CES5A: variants seen among roughly 807,000 people sequenced by gnomAD.
The protein encoded by CES5A is carboxylesterase 5A, also known as carboxylesterase 5.
CES5A carries 67 observed loss-of-function variants against 62.9 expected under a neutral mutation model. The observed-to-expected ratio is 1.07, with a 90% confidence interval of 0.88 to 1.31. The LOEUF (loss-of-function observed/expected upper bound fraction) is 1.31, where lower values mean the gene tolerates loss of function less well. CES5A is among the 50% of genes most tolerant of loss of function. CES5A has a pLI of 0.00. For synonymous variants in CES5A, 296 were observed against 280.8 expected, an observed-to-expected ratio of 1.05 and a Z score of -0.54; for missense variants, 748 against 708.5, an observed-to-expected ratio of 1.06 and a Z score of -0.63.
At chr16:55,924,421 G>GAC (rs200942735) in intron 1 of CES5A, among the ~76,000 whole-genome samples, 13 of 151,496 alleles carry the variant, frequency 8.6e-5, no homozygotes, top group Non-Finnish European at 1.8e-4. Context: ...AATTGAAGCT[G>GAC]ACACACACAC....
intron 1 of CES5A, among the ~76,000 whole-genome samples, chr16:55,914,729 G>A (rs1447370632): frequency 6.6e-6 from 1 of 152,202 alleles, no homozygotes; most frequent in African/African-American, 2.4e-5. Flanking sequence ...TGTCCCTGGA[G>A]AGGCACGATC....
chr16:55,861,412 C>G lies in CES5A; in HGVS notation c.915G>C (p.Gln305His), dbSNP rs138050009. 1,059 of 1,606,638 alleles carry G rather than the reference C, an allele frequency of 6.6e-4. 10 individuals are homozygous for G. The highest frequency in any genetic ancestry group is 2.6e-3 in the African/African-American group (192 of 74,906). ...KPSKELLTLS[Q>H]KTKSFTRVVD... is the part of the protein sequence containing the mutation. ...CCAAAACTGCCCCCTCTGTCCTCAC[C>G]TGGCTGAGGGTCAGCAGCTCCTTGG... The change falls in exon 7 of 13, where the codon CAG becomes CAC. Residue 305 changes from glutamine to histidine, a missense_variant and splice_region_variant. By Grantham distance (24) the Gln-to-His change is conservative. Coordinates refer to ENST00000290567, the MANE Select transcript of CES5A (RefSeq NM_001143685.2).
chr16:55,880,262 G>A (rs1463748661), upstream of CES5A, among the ~76,000 whole-genome samples: 1 of 152,178 alleles, frequency 6.6e-6, no homozygotes, highest in Admixed American at 6.5e-5. Flanking sequence ...CTGCCCCAGG[G>A]CAGAAATGTC....
chr16:55,895,111 A>G (rs1186164429), intron 1 of CES5A, among the ~76,000 whole-genome samples: 13 of 152,218 alleles, frequency 8.5e-5, no homozygotes, highest in African/African-American at 3.1e-4. Context: ...AGTTAAGGCT[A>G]AGGCAGAGAT....
intron 1 of CES5A, among the ~76,000 whole-genome samples, chr16:55,909,424 G>C (rs1251755436): frequency 6.6e-6 from 1 of 152,186 alleles, no homozygotes; most frequent in Middle Eastern, 3.2e-3. Context: ...AAGCAAAGCA[G>C]GAATGACTGC....
chr16:55,907,069 G>A (rs1187799395), intron 1 of CES5A, among the ~76,000 whole-genome samples: 2 of 152,208 alleles, frequency 1.3e-5, no homozygotes, highest in African/African-American at 2.4e-5. Flanking sequence ...AATTAAGCTA[G>A]TTAATTTTAT....
At chr16:55,907,636 C>T (rs1468260533) in intron 1 of CES5A, among the ~76,000 whole-genome samples, 1 of 152,192 alleles carries the variant, frequency 6.6e-6, no homozygotes, top group African/African-American at 2.4e-5. Flanking sequence ...CATAGGCCCT[C>T]AGGGAAGGGG....
At chr16:55,850,375 T>C (rs2033106361) in intron 10 of CES5A, among the ~76,000 whole-genome samples, 1 of 152,190 alleles carries the variant, frequency 6.6e-6, no homozygotes, top group Non-Finnish European at 1.5e-5. Context: ...TAGCAGACAC[T>C]CCCCATTGGC....
chr16:55,890,561 G>T (rs1252283271), intron 1 of CES5A, among the ~76,000 whole-genome samples: 4 of 151,874 alleles, frequency 2.6e-5, no homozygotes, highest in Admixed American at 2.6e-4. Context: ...AACCCACAAA[G>T]GACCTTATGA....
At chr16:55,874,627 T>C (rs1393702154) in intron 1 of CES5A, among the ~76,000 whole-genome samples, 1 of 152,170 alleles carries the variant, frequency 6.6e-6, no homozygotes, top group African/African-American at 2.4e-5. Context: ...GGTGAAAATT[T>C]AAAATTCTCA....
chr16:55,913,806 T>C (rs1481264583), intron 1 of CES5A, among the ~76,000 whole-genome samples: 7 of 152,218 alleles, frequency 4.6e-5, no homozygotes, highest in Non-Finnish European at 1.0e-4. Context: ...CATTTAGTCA[T>C]TCATTTATTT....
chr16:55,915,003 G>GTT (rs376183481), intron 1 of CES5A, among the ~76,000 whole-genome samples: 25 of 147,050 alleles, frequency 1.7e-4, no homozygotes, highest in South Asian at 4.3e-4. Flanking sequence ...ATAAAAAGTT[G>GTT]TTTTTTTTTT....
chr16:55,927,669 G>A (rs1053005800), upstream of CES5A, among the ~76,000 whole-genome samples: 2 of 152,108 alleles, frequency 1.3e-5, no homozygotes, highest in Non-Finnish European at 2.9e-5. Context: ...ATTGTTGGTG[G>A]GAATGATGTA....
rs1197246889 is a variant in CES5A, at chr16:55,871,825, C to T, written c.279-62G>A. The T allele has an allele frequency of 1.9e-6, 3 of 1,584,084 alleles. No individual in the cohort carries two copies. The South Asian group carries it at 3.4e-5, about 18-fold the overall frequency. On this transcript the variant is annotated intron_variant, in intron 2 of 12. Transcript: ENST00000290567. ...TATCAGCAAACTTGCCTGGGAAGGG[C>T]CAGTTCTTCTGACAGCGGGGAGGCC...
Position 55,874,589 on chromosome 16 carries a change from T to C in CES5A, c.74-552A>G, listed in dbSNP as rs140110067. Among the ~76,000 whole-genome samples, 14 of 152,312 alleles carry C rather than the reference T, an allele frequency of 9.2e-5. No homozygotes were observed. The East Asian group carries it at 1.5e-3, about 17-fold the overall frequency. The stretch of plus-strand genomic sequence containing the variant: ...TTGTGATTTTGGTGAGTTAGGTATA[T>C]GCTTTTGAATACACATGAATATTCA... On this transcript the variant is annotated intron_variant, in intron 1 of 12. Transcript: ENST00000290567.
chr16:55,871,527 A>G lies in CES5A; in HGVS notation c.417+98T>C, dbSNP rs1597125751. 4.4e-6 allele frequency: 6 copies of G among 1,363,568 alleles called. No individual in the cohort carries two copies. The East Asian group carries it at 1.4e-4, about 32-fold the overall frequency. The allele number at this position is 1,363,568 out of a possible 1,614,324, so 84.5% of individuals were successfully genotyped here. ...TGATTACATTTCCCTTTTACCCAACAGGGGGTAGTTCCAATTCCAGACATG... is the reference window on the plus strand; with the variant it reads ...TGATTACATTTCCCTTTTACCCAACGGGGGGTAGTTCCAATTCCAGACATG... On this transcript the variant is annotated intron_variant, in intron 3 of 12. Transcript: ENST00000290567.
intron 1 of CES5A, among the ~76,000 whole-genome samples, chr16:55,894,292 A>G (rs547606504): frequency 6.6e-6 from 1 of 152,102 alleles, no homozygotes; most frequent in Non-Finnish European, 1.5e-5. Context: ...GCGGATCATG[A>G]GGTCAGGAGT....
chr16:55,928,098 CT>C (rs1306101213), upstream of CES5A, among the ~76,000 whole-genome samples: 1 of 152,070 alleles, frequency 6.6e-6, no homozygotes, highest in African/African-American at 2.4e-5. Flanking sequence ...AAAAAATTAG[CT>C]GGGCGTGGTG....
intron 1 of CES5A, among the ~76,000 whole-genome samples, chr16:55,910,573 C>G (rs140923425): frequency 1.4e-4 from 21 of 152,214 alleles, no homozygotes; most frequent in Admixed American, 1.4e-3. Flanking sequence ...ACGTAAACTC[C>G]GTGAGTACCA....
Sources: gnomAD v4.1 joint callset for allele counts (sites outside exome capture counted in the v4.1 genomes callset) on GRCh38, gnomAD v4.1.1 for gene constraint, MANE v1.5 for transcripts, NCBI Gene and HGNC (gene_info 2026-07-23, HGNC 2026-07-21) for gene names.